BCAS3: variants seen among roughly 807,000 people sequenced by gnomAD.
The protein encoded by BCAS3 is BCAS3 microtubule associated cell migration factor, also known as BCAS4/BCAS3 fusion.
BCAS3 carries 53 observed loss-of-function variants against 116.1 expected under a neutral mutation model. That is an observed-to-expected ratio of 0.46 (90% CI 0.37 to 0.57). The LOEUF (loss-of-function observed/expected upper bound fraction) is 0.57, where lower values mean the gene tolerates loss of function less well. BCAS3 is among the 20% of genes least tolerant of loss of function. The pLI, the probability that BCAS3 is intolerant of heterozygous loss-of-function variation, is 0.00. For missense variants in BCAS3, 917 were observed against 1,165.4 expected, an observed-to-expected ratio of 0.79 and a Z score of 3.10; for synonymous variants, 391 against 408.2, an observed-to-expected ratio of 0.96 and a Z score of 0.51.
intron 7 of BCAS3, among the ~76,000 whole-genome samples, chr17:60,817,784 C>T (rs1239959965): frequency 6.6e-6 from 1 of 151,450 alleles, no homozygotes; most frequent in Admixed American, 6.6e-5. Context: ...TTTTGCCAAG[C>T]AAGAACATAT....
intron 22 of BCAS3, among the ~76,000 whole-genome samples, chr17:61,147,223 C>T (rs959747716): frequency 3.3e-5 from 5 of 152,012 alleles, no homozygotes; most frequent in African/African-American, 4.8e-5. Context: ...TACAGGTACG[C>T]ACCACCACAC....
chr17:60,725,618 A>G (rs1489879572), intron 5 of BCAS3, among the ~76,000 whole-genome samples: 2 of 152,028 alleles, frequency 1.3e-5, no homozygotes, highest in Non-Finnish European at 2.9e-5. Flanking sequence ...CATTGTCATG[A>G]TTGGGGATTG....
In BCAS3 at chr17:61,012,880, A is replaced by T. The variant is rs113671229; in HGVS notation, c.1487-2871A>T. On this transcript the variant is annotated intron_variant, in intron 15 of 23. Coordinates refer to ENST00000407086, the MANE Select transcript of BCAS3 (RefSeq NM_017679.5). This position sits in a 1 kb window ranked among gnomAD's most constrained non-coding sequence, Gnocchi z 4.5. ...TTATCTGTCAAATTCAATGACTTCA[A>T]CATCTATACTGTTCCCTCGCTGAAG... 0.052 allele frequency among the ~76,000 whole-genome samples: 7,882 copies of T among 152,098 alleles called. 738 individuals carry two copies. The highest frequency in any genetic ancestry group is 0.18 in the African/African-American group (7,442 of 41,476).
rs1161269238 is a variant in BCAS3 at position 61,366,031 on chromosome 17, T to G, written c.2426-2296T>G. ...GATGGCACATGCTTGTAGTCCCAGC[T>G]ACTCGGGAGGCTGAGACACGAGAAT... On this transcript the variant is annotated intron_variant, in intron 22 of 23. Transcript: ENST00000407086. This position sits in a 1 kb window ranked among gnomAD's most constrained non-coding sequence, Gnocchi z 4.5. Among the ~76,000 whole-genome samples, 1 of 151,742 alleles carries G rather than the reference T, an allele frequency of 6.6e-6. No individual in the cohort carries two copies. The highest frequency in any genetic ancestry group is 1.5e-5 in the Non-Finnish European group (1 of 67,986).
At chr17:60,832,220 A>G (rs2051001065) in intron 7 of BCAS3, among the ~76,000 whole-genome samples, 2 of 152,246 alleles carry the variant, frequency 1.3e-5, no homozygotes, top group Non-Finnish European at 2.9e-5. Context: ...GGGAGGGTAC[A>G]GTAGAAACCA....
intron 14 of BCAS3, among the ~76,000 whole-genome samples, chr17:60,951,665 A>T (rs559188878): frequency 6.6e-6 from 1 of 152,124 alleles, no homozygotes; most frequent in Non-Finnish European, 1.5e-5. Flanking sequence ...ACATTTAAAG[A>T]TCAATAGTTC....
chr17:60,875,277 A>G (rs868524760), intron 9 of BCAS3, among the ~76,000 whole-genome samples: 1 of 152,128 alleles, frequency 6.6e-6, no homozygotes, highest in Non-Finnish European at 1.5e-5. Context: ...TTGTTTTTGT[A>G]AATTGATAAT....
At chr17:61,338,054 G>T (rs2056860844) in intron 22 of BCAS3, among the ~76,000 whole-genome samples, 1 of 152,184 alleles carries the variant, frequency 6.6e-6, no homozygotes, top group Non-Finnish European at 1.5e-5. Flanking sequence ...GTATCTCAGT[G>T]ACTAACCCTG....
chr17:61,115,343 T>G (rs1293381064), intron 22 of BCAS3, among the ~76,000 whole-genome samples: 1 of 152,178 alleles, frequency 6.6e-6, no homozygotes, highest in Non-Finnish European at 1.5e-5. Context: ...CCTACTCATC[T>G]GACAAAGGGC....
chr17:61,385,483 A>G (rs939188999), intron 23 of BCAS3, among the ~76,000 whole-genome samples: 1 of 152,174 alleles, frequency 6.6e-6, no homozygotes, highest in Non-Finnish European at 1.5e-5. Context: ...TCTCCTCTTC[A>G]CATGTCCCAT....
rs1297645317 is a variant in BCAS3 at position 61,339,116 on chromosome 17, G to A, written c.2426-29211G>A. ...CTCTATTACTCAATCAGTGACATGT[G>A]ACCCCCTGGGAAGGTTGTTCTGTGG... On this transcript the variant is annotated intron_variant, in intron 22 of 23. Coordinates refer to ENST00000407086, the MANE Select transcript of BCAS3 (RefSeq NM_017679.5). The surrounding 1 kb of genome is among the most constrained non-coding windows in gnomAD (Gnocchi z 4.4). Among the ~76,000 whole-genome samples, 3 of 152,070 alleles carry A rather than the reference G, an allele frequency of 2.0e-5. No individual in the cohort carries two copies. The highest frequency in any genetic ancestry group is 4.4e-5 in the Non-Finnish European group (3 of 67,964).
At position 61,339,231 on chromosome 17, in the gene BCAS3, T is replaced by C. The variant is rs3843246; in HGVS notation, c.2426-29096T>C. Among the ~76,000 whole-genome samples the C allele has an allele frequency of 0.14, 21,568 of 152,094 alleles. 2,529 individuals carry two copies. The highest frequency in any genetic ancestry group is 0.32 in the African/African-American group (13,391 of 41,450). On this transcript the variant is annotated intron_variant, in intron 22 of 23. Transcript: ENST00000407086. This position sits in a 1 kb window ranked among gnomAD's most constrained non-coding sequence, Gnocchi z 4.4. The stretch of plus-strand genomic sequence containing the variant: ...AGTGGCAGGCGCCACTTGCCCTTGG[T>C]CGGTTTTACTCCCTGCCCCTAGTGC...
At position 61,252,568 on chromosome 17, in the gene BCAS3, A is replaced by G. The variant is rs562604885; in HGVS notation, c.2426-115759A>G. ...GGGAACATGCAAGTTTTTAAAATAG[A>G]AGTGAAGGACTTAAAAAAAAAAAAA... On this transcript the variant is annotated intron_variant, in intron 22 of 23. Coordinates refer to ENST00000407086, the MANE Select transcript of BCAS3 (RefSeq NM_017679.5). Among the ~76,000 whole-genome samples the G allele has an allele frequency of 8.1e-4, 101 of 124,154 alleles. 1 individual carries two copies. Among genetic ancestry groups the G allele is most frequent in the African/African-American group, 2.8e-3 (99 of 35,140 alleles). The allele number at this position is 124,154 out of a possible 152,430, so 81.4% of individuals were successfully genotyped here.
At chr17:61,058,314 C>T (rs1600844113) in intron 19 of BCAS3, among the ~76,000 whole-genome samples, 1 of 152,174 alleles carries the variant, frequency 6.6e-6, no homozygotes, top group Non-Finnish European at 1.5e-5. Flanking sequence ...ATATTGCCTT[C>T]AGTGCCTTTA....
chr17:60,859,949 C>T (rs1198217284), intron 7 of BCAS3, among the ~76,000 whole-genome samples: 1 of 152,122 alleles, frequency 6.6e-6, no homozygotes, highest in Non-Finnish European at 1.5e-5. Flanking sequence ...GTGACTAGTG[C>T]TGCAAAGAAC....
chr17:60,989,950 C>A, intron 14 of BCAS3, 21 bp from the exon 15 acceptor site: 1 of 1,601,762 alleles, frequency 6.2e-7, no homozygotes, highest in Non-Finnish European at 8.5e-7. Flanking sequence ...ATTTTTGTAT[C>A]TTTTCTTATC....
chr17:61,168,740 C>G (rs2078665175), intron 22 of BCAS3, among the ~76,000 whole-genome samples: 1 of 152,200 alleles, frequency 6.6e-6, no homozygotes, highest in African/African-American at 2.4e-5. Flanking sequence ...AGTCTCAGTT[C>G]ATTAACTTCT....
At chr17:61,071,449 T>C (rs2071420378) in intron 19 of BCAS3, among the ~76,000 whole-genome samples, 1 of 152,220 alleles carries the variant, frequency 6.6e-6, no homozygotes, top group Non-Finnish European at 1.5e-5. Context: ...AATTTTAATG[T>C]GTAATAAAAT....
At chr17:60,712,511 G>T (rs2038058738) in intron 5 of BCAS3, among the ~76,000 whole-genome samples, 1 of 152,134 alleles carries the variant, frequency 6.6e-6, no homozygotes, top group East Asian at 1.9e-4. Flanking sequence ...AGGTGGTAAG[G>T]TCACACTGCT....
Sources: allele counts gnomAD v4.1 joint callset (sites outside exome capture counted in the v4.1 genomes callset), GRCh38; gene constraint gnomAD v4.1.1; non-coding constraint Gnocchi (gnomAD v3.1); transcripts MANE v1.5; gene names NCBI Gene and HGNC (gene_info 2026-07-23, HGNC 2026-07-21).